The following MYO5B variants were observed in gnomAD, a reference collection of about 807,000 sequenced individuals.
MYO5B encodes the protein unconventional myosin-Vb.
In MYO5B, 143 loss-of-function variants were observed where a neutral mutation model predicts 229.3. That is an observed-to-expected ratio of 0.62 (90% CI 0.54 to 0.72). The LOEUF (loss-of-function observed/expected upper bound fraction) is 0.72, where lower values mean the gene tolerates loss of function less well. Ranked by LOEUF, MYO5B falls within the 30% of genes least tolerant of loss-of-function variation. The pLI, the probability that MYO5B is intolerant of heterozygous loss-of-function variation, is 0.00. For synonymous variants in MYO5B, 918 were observed against 885.2 expected (o/e 1.04, Z -0.66); for missense variants, 2,321 against 2,331.0 (o/e 1.00, Z 0.09).
intron 4 of MYO5B, among the ~76,000 whole-genome samples, chr18:50,004,235 AAG>A (rs1568066904): frequency 6.6e-6 from 1 of 152,252 alleles, no homozygotes; most frequent in Non-Finnish European, 1.5e-5. Flanking sequence ...AGAATTCAAA[AAG>A]AAGGAATCAA....
At chr18:50,161,438 G>A (rs2032764373) in intron 1 of MYO5B, among the ~76,000 whole-genome samples, 1 of 151,908 alleles carries the variant, frequency 6.6e-6, no homozygotes, top group South Asian at 2.1e-4. Flanking sequence ...AGGGAGTGGG[G>A]GGACTATACC....
At chr18:50,125,045 G>A (rs1446235983) in intron 1 of MYO5B, among the ~76,000 whole-genome samples, 7 of 152,220 alleles carry the variant, frequency 4.6e-5, no homozygotes, top group South Asian at 2.1e-4. Context: ...CTTTTGGGGA[G>A]CCTGCCACAG....
At chr18:50,129,620 ACAT>A (rs2032222505) in intron 1 of MYO5B, among the ~76,000 whole-genome samples, 1 of 152,174 alleles carries the variant, frequency 6.6e-6, no homozygotes, top group African/African-American at 2.4e-5. Context: ...GCCCTATGAA[ACAT>A]CATCTCCATT....
At chr18:49,845,697 T>A (rs1412390861) in intron 33 of MYO5B, among the ~76,000 whole-genome samples, 1 of 149,822 alleles carries the variant, frequency 6.7e-6, no homozygotes, top group Non-Finnish European at 1.5e-5. Flanking sequence ...AGATTTCTCC[T>A]CTTTCCCACA....
At chr18:49,845,793 T>C (rs963954571) in intron 33 of MYO5B, among the ~76,000 whole-genome samples, 1 of 152,090 alleles carries the variant, frequency 6.6e-6, no homozygotes, top group Non-Finnish European at 1.5e-5. Context: ...CCTGTTGCAG[T>C]GGCCTGTGGC....
At chr18:49,889,715 G>A (rs1266806177) in intron 22 of MYO5B, among the ~76,000 whole-genome samples, 1 of 152,212 alleles carries the variant, frequency 6.6e-6, no homozygotes. Context: ...AATGGAACAT[G>A]CCATCTGACC....
At position 49,863,340 on chromosome 18, in the gene MYO5B, A is replaced by T; in HGVS notation, c.3844-13T>A. On this transcript the variant is annotated splice_polypyrimidine_tract_variant and intron_variant, in intron 28 of 39. Coordinates refer to ENST00000285039, the MANE Select transcript of MYO5B (RefSeq NM_001080467.3). Reference sequence around the variant, plus strand: ...TAATGTTCGGCTCCTAGAAAGCCCCAGATAAAAAAATAACTCTGGTTAAAC... The same window carrying T: ...TAATGTTCGGCTCCTAGAAAGCCCCTGATAAAAAAATAACTCTGGTTAAAC... The T allele has an allele frequency of 6.2e-7, 1 of 1,611,598 alleles. No homozygotes were observed.
At chr18:49,934,818 G>A (rs746263787) in intron 16 of MYO5B, among the ~76,000 whole-genome samples, 5 of 152,218 alleles carry the variant, frequency 3.3e-5, no homozygotes, top group Non-Finnish European at 7.3e-5. Flanking sequence ...CTGAATGGAA[G>A]CCAAGCTTTA....
Position 50,009,354 on chromosome 18 carries a change from G to A in MYO5B, c.456-7943C>T, listed in dbSNP as rs1020994911. ...GATTGCACCACTGCACTCCAGCCTG[G>A]GCAATAGAGCAAGACTGTCTCAATC... On this transcript the variant is annotated intron_variant, in intron 4 of 39. Coordinates refer to ENST00000285039, the MANE Select transcript of MYO5B (RefSeq NM_001080467.3). Among the ~76,000 whole-genome samples the A allele has an allele frequency of 4.6e-5, 7 of 152,084 alleles. No individual in the cohort carries two copies. The East Asian group carries it at 1.3e-3, about 29-fold the overall frequency.
In MYO5B at chr18:50,169,785, T is replaced by C. The variant is rs2032901161; in HGVS notation, c.27+24982A>G. On this transcript the variant is annotated intron_variant, in intron 1 of 39. Transcript: ENST00000285039. ...CAATTTTCCTGAAGTCTGAAAAGATTTCAAAACACAGTATTTTAAAGAAAT... is the reference window on the plus strand; with the variant it reads ...CAATTTTCCTGAAGTCTGAAAAGATCTCAAAACACAGTATTTTAAAGAAAT... Among the ~76,000 whole-genome samples, 2 of 127,556 alleles carry C rather than the reference T, an allele frequency of 1.6e-5. 1 individual carries two copies. Among genetic ancestry groups the C allele is most frequent in the African/African-American group, 5.9e-5 (2 of 33,698 alleles). 83.7% of individuals were successfully genotyped at this position (127,556 alleles called of 152,430 possible). A position where few individuals can be genotyped will look rare whatever the true frequency, so the allele number is the denominator to read the frequency against.
At chr18:50,023,740 C>G (rs1029706089) in intron 4 of MYO5B, among the ~76,000 whole-genome samples, 1 of 152,136 alleles carries the variant, frequency 6.6e-6, no homozygotes, top group African/African-American at 2.4e-5. Context: ...GAGGCAGGCC[C>G]TGGGGCTGTG....
intron 22 of MYO5B, among the ~76,000 whole-genome samples, chr18:49,890,583 T>C (rs2024700607): frequency 6.6e-6 from 1 of 152,234 alleles, no homozygotes; most frequent in Non-Finnish European, 1.5e-5. Context: ...GATACAAATG[T>C]AGCTAGGGGC....
intron 39 of MYO5B, among the ~76,000 whole-genome samples, 200 bp from the exon 40 acceptor site, chr18:49,826,823 GATC>G (rs757188829): frequency 7.2e-5 from 11 of 152,202 alleles, no homozygotes; most frequent in South Asian, 2.1e-4. Context: ...GCTTCTTGGA[GATC>G]AGAGGGCTGT....
chr18:50,155,222 A>T (rs1409687401), intron 1 of MYO5B, among the ~76,000 whole-genome samples: 1 of 152,220 alleles, frequency 6.6e-6, no homozygotes, highest in Non-Finnish European at 1.5e-5. Flanking sequence ...CACTTCACAC[A>T]GTTATAGTGA....
intron 27 of MYO5B, among the ~76,000 whole-genome samples, chr18:49,865,170 A>G (rs969792144): frequency 3.9e-5 from 6 of 152,340 alleles, no homozygotes; most frequent in African/African-American, 7.2e-5. Flanking sequence ...ACAGAGCCAT[A>G]GCATGATGGA....
chr18:49,960,880 C>T (rs1457345675), intron 12 of MYO5B, among the ~76,000 whole-genome samples: 1 of 152,204 alleles, frequency 6.6e-6, no homozygotes, highest in Admixed American at 6.5e-5. Context: ...TTCACCTTCA[C>T]CACTTGGGAG....
intron 1 of MYO5B, among the ~76,000 whole-genome samples, chr18:50,081,172 G>A (rs911853816): frequency 2.0e-5 from 3 of 152,044 alleles, no homozygotes; most frequent in African/African-American, 7.2e-5. Context: ...GACAAAGCCT[G>A]GATTTAGGTC....
chr18:49,984,775 C>T lies in MYO5B; in HGVS notation c.889G>A (p.Glu297Lys), dbSNP rs754668788. Reference protein sequence around the residue: ...YTSQGGDTSIEGVDDAEDFEK... With the variant: ...YTSQGGDTSIKGVDDAEDFEK... ...AAGTCCTCAGCATCGTCCACACCCT[C>T]GATGGAAGTGTCTCCTCCCTGTGAT... The change falls in exon 8 of 40, where the codon GAG becomes AAG. Residue 297 changes from glutamate (E) to lysine (K), a missense_variant. Glu to Lys is a moderately conservative substitution (Grantham distance 56, BLOSUM62 1). Coordinates refer to ENST00000285039, the MANE Select transcript of MYO5B (RefSeq NM_001080467.3). 1.3e-5 allele frequency: 21 copies of T among 1,613,984 alleles called. No individual in the cohort carries two copies. The highest frequency in any genetic ancestry group is 1.6e-4 in the Middle Eastern group (1 of 6,062).
chr18:49,869,702 T>C (rs894417253), intron 27 of MYO5B, among the ~76,000 whole-genome samples: 4 of 152,158 alleles, frequency 2.6e-5, no homozygotes, highest in African/African-American at 9.7e-5. Context: ...GGCAGTTTCA[T>C]GCGTAGGGTA....
Sources: gnomAD v4.1 joint callset for allele counts (sites outside exome capture counted in the v4.1 genomes callset) on GRCh38, gnomAD v4.1.1 for gene constraint, MANE v1.5 for transcripts, NCBI Gene and HGNC (gene_info 2026-07-23, HGNC 2026-07-21) for gene names.